The following PLEKHG3 variants were observed in gnomAD, a reference collection of about 807,000 sequenced individuals.
PLEKHG3 encodes the protein pleckstrin homology and RhoGEF domain containing G3.
A neutral mutation model predicts 94.9 loss-of-function variants in PLEKHG3; 62 were observed. The ratio of observed to expected loss-of-function variants is 0.65; its 90% CI spans 0.53 to 0.81. The LOEUF is 0.81. Ranked by LOEUF, PLEKHG3 falls within the 30% of genes least tolerant of loss-of-function variation. The pLI is 0.00. For missense variants in PLEKHG3, 1,461 were observed against 1,619.3 expected (o/e 0.90, Z 1.68); for synonymous variants, 614 against 654.0 (o/e 0.94, Z 0.93).
chr14:64,732,375 G>A lies in PLEKHG3; in HGVS notation c.1213-52G>A, dbSNP rs2081484755. On this transcript the variant is annotated intron_variant, in intron 10 of 16. Coordinates refer to ENST00000247226, the MANE Select transcript of PLEKHG3 (RefSeq NM_001308147.2). This position sits in a 1 kb window ranked among gnomAD's most constrained non-coding sequence, Gnocchi z 4.9. ...AGCAACAGTGGGTCCTATGGGCAGG[G>A]AAGGCCGGCACATGGTAAGGTAATA... The A allele has an allele frequency of 1.9e-6, 3 of 1,565,088 alleles. No individual in the cohort carries two copies. In the Admixed American group the frequency reaches 5.0e-5, roughly 26 times the overall value.
At chr14:64,724,842 C>G (rs2081323967) in intron 1 of PLEKHG3, among the ~76,000 whole-genome samples, 2 of 152,192 alleles carry the variant, frequency 1.3e-5, no homozygotes. Flanking sequence ...CAAGTCCAGG[C>G]TCTACCACTT....
rs73273524 is a variant in PLEKHG3 at position 64,727,049 on chromosome 14, C to T, written c.-39-544C>T. 0.12 allele frequency among the ~76,000 whole-genome samples: 18,810 copies of T among 152,144 alleles called. 1,260 individuals carry two copies. The highest frequency in any genetic ancestry group is 0.18 in the Middle Eastern group (53 of 294). On this transcript the variant is annotated intron_variant, in intron 1 of 16. Coordinates refer to ENST00000247226, the MANE Select transcript of PLEKHG3 (RefSeq NM_001308147.2). The surrounding 1 kb of genome is among the most constrained non-coding windows in gnomAD (Gnocchi z 6.0). Reference sequence around the variant, plus strand: ...CACCATATTGATGGTGTATGGAGCACGTACCCTATGCCAGGCATCATGCTC... The same window carrying T: ...CACCATATTGATGGTGTATGGAGCATGTACCCTATGCCAGGCATCATGCTC...
chr14:64,741,606 C>T lies in PLEKHG3; in HGVS notation c.2089C>T (p.Pro697Ser), dbSNP rs778492400. 9 of 1,612,978 alleles carry T rather than the reference C, an allele frequency of 5.6e-6. No homozygotes were observed. Among genetic ancestry groups the T allele is most frequent in the East Asian group, 4.5e-5 (2 of 44,884 alleles). Residue 697 changes from proline to serine, a missense_variant, in exon 16 of 17, where the codon CCT becomes TCT. By Grantham distance (74) the Pro-to-Ser change is moderately conservative (BLOSUM62 -1). Coordinates refer to ENST00000247226, the MANE Select transcript of PLEKHG3 (RefSeq NM_001308147.2). The stretch of plus-strand genomic sequence containing the variant: ...CCCAAGCCCAGGCTGCCCAGTGGAG[C>T]CTGACCGGTCTTCCTGCAAGAAGAA... ...EPPSPGCPVE[P>S]DRSSCKKKES...
rs2081177692 is a variant in PLEKHG3, at chr14:64,717,019, TA to T, written c.-39-10573del. ...GAACATGGGGGATGGGGGAAGGAGC[TA>T]TGGGTAGAGAGGGGCCCCCTGGGCC... On this transcript the variant is annotated intron_variant, in intron 1 of 16. Transcript: ENST00000247226. The surrounding 1 kb of genome is among the most constrained non-coding windows in gnomAD (Gnocchi z 4.7). Among the ~76,000 whole-genome samples the T allele has an allele frequency of 1.3e-5, 2 of 151,600 alleles. No individual in the cohort carries two copies. Among genetic ancestry groups the T allele is most frequent in the South Asian group, 4.2e-4 (2 of 4,802 alleles).
At chr14:64,735,417 G>C (rs2081551182) in intron 12 of PLEKHG3, among the ~76,000 whole-genome samples, 2 of 151,908 alleles carry the variant, frequency 1.3e-5, no homozygotes, top group Admixed American at 1.3e-4. Flanking sequence ...TTCAAGACCA[G>C]CCTGGACAAC....
At chr14:64,724,113 G>A (rs965630857) in intron 1 of PLEKHG3, among the ~76,000 whole-genome samples, 6 of 151,874 alleles carry the variant, frequency 4.0e-5, no homozygotes, top group Non-Finnish European at 7.4e-5. Flanking sequence ...AGGAAAGGCT[G>A]ACCCCGCCCG....
rs756678557 is a variant in PLEKHG3 at position 64,731,172 on chromosome 14, G to A, written c.849+3G>A. The A allele has an allele frequency of 5.0e-6, 8 of 1,607,432 alleles. No homozygotes were observed. The South Asian group carries it at 6.6e-5, about 13-fold the overall frequency. The stretch of plus-strand genomic sequence containing the variant: ...ATGAGCACGCGGTCCGGCTCCAGGT[G>A]CTCTGGGGCTGGGACGCTGGGGGAG... On this transcript the variant is annotated splice_donor_region_variant and intron_variant, in intron 7 of 16. Coordinates refer to ENST00000247226, the MANE Select transcript of PLEKHG3 (RefSeq NM_001308147.2). This position sits in a 1 kb window ranked among gnomAD's most constrained non-coding sequence, Gnocchi z 6.1.
chr14:64,705,592 C>A (rs544563737), intron 1 of PLEKHG3, among the ~76,000 whole-genome samples: 9 of 152,292 alleles, frequency 5.9e-5, no homozygotes, highest in African/African-American at 2.2e-4. Flanking sequence ...TTACGGGGAA[C>A]CCTGGAGTGG....
Position 64,727,510 on chromosome 14 carries a change from G to A in PLEKHG3, c.-39-83G>A, listed in dbSNP as rs1246652545. The A allele has an allele frequency of 7.1e-6, 2 of 282,708 alleles. No individual in the cohort carries two copies. The highest frequency in any genetic ancestry group is 4.0e-5 in the South Asian group (1 of 24,906). 17.5% of individuals were successfully genotyped at this position (282,708 alleles called of 1,614,324 possible). A position where few individuals can be genotyped will look rare whatever the true frequency, so the allele number is the denominator to read the frequency against. On this transcript the variant is annotated intron_variant, in intron 1 of 16. Coordinates refer to ENST00000247226, the MANE Select transcript of PLEKHG3 (RefSeq NM_001308147.2). The surrounding 1 kb of genome is among the most constrained non-coding windows in gnomAD (Gnocchi z 6.0). The stretch of plus-strand genomic sequence containing the variant: ...TAAATAATACCTTCCCACCCCACCT[G>A]CCCCCACCCCTGGCAACCGTCCCTC...
rs1006147499 is a variant in PLEKHG3 at position 64,721,474 on chromosome 14, T to C, written c.-39-6119T>C. Among the ~76,000 whole-genome samples the C allele has an allele frequency of 9.9e-5, 15 of 152,214 alleles. No individual in the cohort carries two copies. Among genetic ancestry groups the C allele is most frequent in the Non-Finnish European group, 1.8e-4 (12 of 68,036 alleles). On this transcript the variant is annotated intron_variant, in intron 1 of 16. Transcript: ENST00000247226. The surrounding 1 kb of genome is among the most constrained non-coding windows in gnomAD (Gnocchi z 4.3). ...TCCTTCCTGGCAGCTGTGGTCCTGC[T>C]GCAAGGGACCCAGCCAGACTACATG... is the stretch of plus-strand genomic sequence containing the variant.
rs1475580269 is a variant in PLEKHG3, at chr14:64,725,991, G to C, written c.-39-1602G>C. Reference sequence around the variant, plus strand: ...CACACTGTCTCAGGCCAGTGCTACAGTAGGAGAAACCTGGGAGGTAGTAAG... The same window carrying C: ...CACACTGTCTCAGGCCAGTGCTACACTAGGAGAAACCTGGGAGGTAGTAAG... On this transcript the variant is annotated intron_variant, in intron 1 of 16. Coordinates refer to ENST00000247226, the MANE Select transcript of PLEKHG3 (RefSeq NM_001308147.2). This position sits in a 1 kb window ranked among gnomAD's most constrained non-coding sequence, Gnocchi z 5.0. 6.6e-6 allele frequency among the ~76,000 whole-genome samples: 1 copy of C among 152,232 alleles called. No individual in the cohort carries two copies. Among genetic ancestry groups the C allele is most frequent in the Non-Finnish European group, 1.5e-5 (1 of 68,036 alleles).
rs1472461088 is a variant in PLEKHG3, at chr14:64,739,358, G to A, written c.1518+503G>A. On this transcript the variant is annotated intron_variant, in intron 15 of 16. Transcript: ENST00000247226. The surrounding 1 kb of genome is among the most constrained non-coding windows in gnomAD (Gnocchi z 4.1). ...TGGTTGATGGCGTGCCTAACACTGA[G>A]CAGCTTCTGAGGCGCGGGGCTGAGA... is the stretch of plus-strand genomic sequence containing the variant. Among the ~76,000 whole-genome samples the A allele has an allele frequency of 3.9e-5, 6 of 152,230 alleles. No homozygotes were observed. The highest frequency in any genetic ancestry group is 8.8e-5 in the Non-Finnish European group (6 of 68,046).
chr14:64,730,401 T>C lies in PLEKHG3; in HGVS notation c.519+89T>C. On this transcript the variant is annotated intron_variant, in intron 4 of 16. Coordinates refer to ENST00000247226, the MANE Select transcript of PLEKHG3 (RefSeq NM_001308147.2). This position sits in a 1 kb window ranked among gnomAD's most constrained non-coding sequence, Gnocchi z 5.4. ...CCAGCATAAGAGGACATCTGAGTCC[T>C]GGGGATTCCTTTCCAGGGAAAGTCC... 1.1e-6 allele frequency: 1 copy of C among 912,574 alleles called. No homozygotes were observed. The highest frequency in any genetic ancestry group is 1.4e-5 in the South Asian group (1 of 70,876). The allele number at this position is 912,574 out of a possible 1,614,324, so 56.5% of individuals were successfully genotyped here.
chr14:64,728,132 C>G lies in PLEKHG3; in HGVS notation c.351+150C>G. 1 of 593,302 alleles carries G rather than the reference C, an allele frequency of 1.7e-6. No homozygotes were observed. The highest frequency in any genetic ancestry group is 2.9e-6 in the Non-Finnish European group (1 of 341,252). The allele number at this position is 593,302 out of a possible 1,614,324, so 36.8% of individuals were successfully genotyped here. A position where few individuals can be genotyped will look rare whatever the true frequency, so the allele number is the denominator to read the frequency against. On this transcript the variant is annotated intron_variant, in intron 2 of 16. Coordinates refer to ENST00000247226, the MANE Select transcript of PLEKHG3 (RefSeq NM_001308147.2). This position sits in a 1 kb window ranked among gnomAD's most constrained non-coding sequence, Gnocchi z 5.9. ...ACTGCACTGTGAAAGCTGTTGACCC[C>G]TGAGGCTTCCCTAGGACCTTGGGCC...
chr14:64,738,050 AG>A lies in PLEKHG3; in HGVS notation c.1404+677del, dbSNP rs1442013303. The A allele has an allele frequency of 7.7e-7, 1 of 1,295,022 alleles. No individual in the cohort carries two copies. Among genetic ancestry groups the A allele is most frequent in the Non-Finnish European group, 1.0e-6 (1 of 992,588 alleles). The allele number at this position is 1,295,022 out of a possible 1,614,324, so 80.2% of individuals were successfully genotyped here. On this transcript the variant is annotated intron_variant, in intron 14 of 16. Coordinates refer to ENST00000247226, the MANE Select transcript of PLEKHG3 (RefSeq NM_001308147.2). This position sits in a 1 kb window ranked among gnomAD's most constrained non-coding sequence, Gnocchi z 4.8. ...CTCTGGAGGACCTGACAGGGCATGA[AG>A]GCAACGAGAAGGGGGCTGGGCCGGA...
intron 12 of PLEKHG3, among the ~76,000 whole-genome samples, chr14:64,733,161 T>C (rs2081505995): frequency 7.2e-6 from 1 of 139,776 alleles, no homozygotes; most frequent in Non-Finnish European, 1.6e-5. Flanking sequence ...TTCTTTTCTT[T>C]TTCTTTTTTT....
In PLEKHG3 at chr14:64,717,255, C is replaced by T. The variant is rs1049962793; in HGVS notation, c.-39-10338C>T. Among the ~76,000 whole-genome samples, 10 of 152,146 alleles carry T rather than the reference C, an allele frequency of 6.6e-5. No homozygotes were observed. Among genetic ancestry groups the T allele is most frequent in the Non-Finnish European group, 1.5e-4 (10 of 68,026 alleles). ...CAAAGAAAGGGGATGTGTTGGAGCT[C>T]TTCTCTTGCTGTATCACCTTCGAAG... On this transcript the variant is annotated intron_variant, in intron 1 of 16. Coordinates refer to ENST00000247226, the MANE Select transcript of PLEKHG3 (RefSeq NM_001308147.2). The surrounding 1 kb of genome is among the most constrained non-coding windows in gnomAD (Gnocchi z 4.7).
At chr14:64,737,258 G>A (rs568771120) in intron 13 of PLEKHG3, 98 bp from the exon 14 acceptor site, 1 of 876,464 alleles carries the variant, frequency 1.1e-6, no homozygotes, top group Non-Finnish European at 1.9e-6. Flanking sequence ...CTTCCCCAGG[G>A]AGCTGTCCAG....
intron 15 of PLEKHG3, 74 bp from the exon 16 acceptor site, chr14:64,740,962 A>G: frequency 1.6e-6 from 2 of 1,282,516 alleles, no homozygotes; most frequent in South Asian, 1.4e-5. Flanking sequence ...TGAGCAGGCC[A>G]TGCTGTCCCC....
Sources: gnomAD v4.1 joint callset for allele counts (sites outside exome capture counted in the v4.1 genomes callset) on GRCh38, gnomAD v4.1.1 for gene constraint, Gnocchi (gnomAD v3.1) non-coding constraint, MANE v1.5 for transcripts, NCBI Gene and HGNC (gene_info 2026-07-23, HGNC 2026-07-21) for gene names.